OAS3: variants seen among roughly 807,000 people sequenced by gnomAD.
OAS3 encodes the protein 2'-5'-oligoadenylate synthase 3.
A neutral mutation model predicts 113.0 loss-of-function variants in OAS3; 107 were observed. The observed-to-expected ratio is 0.95, with a 90% confidence interval of 0.81 to 1.11. The LOEUF (loss-of-function observed/expected upper bound fraction) is 1.11, where lower values mean the gene tolerates loss of function less well. OAS3 is among the 50% of genes most tolerant of loss of function. The pLI, the probability that OAS3 is intolerant of heterozygous loss-of-function variation, is 0.00. For missense variants in OAS3, 1,258 were observed against 1,389.1 expected (o/e 0.91, Z 1.50); for synonymous variants, 552 against 573.6 (o/e 0.96, Z 0.54).
intron 7 of OAS3, among the ~76,000 whole-genome samples, chr12:112,952,261 TTAAG>T (rs1185222730): frequency 1.3e-5 from 2 of 152,242 alleles, no homozygotes; most frequent in Non-Finnish European, 2.9e-5. Flanking sequence ...TCTTTTATTA[TTAAG>T]TAATAATCTT....
At chr12:112,941,503 G>C in intron 1 of OAS3, 67 bp from the exon 2 acceptor site, 1 of 1,544,078 alleles carries the variant, frequency 6.5e-7, no homozygotes, top group South Asian at 1.2e-5. Flanking sequence ...CACTCAAGTT[G>C]CCTGCCAGGT....
At chr12:112,960,591 C>T (rs1279308412) in intron 7 of OAS3, among the ~76,000 whole-genome samples, 3 of 152,126 alleles carry the variant, frequency 2.0e-5, no homozygotes, top group Non-Finnish European at 4.4e-5. Flanking sequence ...AAGCACTTCA[C>T]ATGTAGATTT....
At chr12:112,960,458 T>C (rs2043871998) in intron 7 of OAS3, among the ~76,000 whole-genome samples, 1 of 152,104 alleles carries the variant, frequency 6.6e-6, no homozygotes, top group Non-Finnish European at 1.5e-5. Context: ...CTTATGAAAG[T>C]GAAGGACAAG....
At chr12:112,940,203 C>T (rs1057018849) in intron 1 of OAS3, among the ~76,000 whole-genome samples, 3 of 152,122 alleles carry the variant, frequency 2.0e-5, no homozygotes, top group Admixed American at 6.5e-5. Context: ...GTGTGCAAAA[C>T]GTGCAGGAAG....
intron 2 of OAS3, among the ~76,000 whole-genome samples, chr12:112,943,665 G>A (rs566787332): frequency 2.2e-4 from 34 of 152,208 alleles, no homozygotes; most frequent in African/African-American, 7.7e-4. Context: ...GGGTTGTGGT[G>A]GGGATACATG....
Position 112,965,700 on chromosome 12 carries a change from A to G in OAS3, c.2404-44A>G, listed in dbSNP as rs2043926325. ...ACTCACAGTCCAGAACCGACAGGCT[A>G]AGCCATGCTTCAAGGGTTGAGCCAC... is the stretch of plus-strand genomic sequence containing the variant. On this transcript the variant is annotated intron_variant, in intron 11 of 15. Transcript: ENST00000228928. The G allele has an allele frequency of 5.1e-6, 8 of 1,566,020 alleles. No individual in the cohort carries two copies. In the East Asian group the frequency reaches 1.8e-4, roughly 36 times the overall value.
Position 112,969,999 on chromosome 12 carries a change from G to A in OAS3, c.*26G>A. On this transcript the variant is annotated 3_prime_UTR_variant, in exon 16 of 16. Coordinates refer to ENST00000228928, the MANE Select transcript of OAS3 (RefSeq NM_006187.4). ...AGTTGAGAAAATCAGCGGTCCTACT[G>A]GATGAAGAGAAGATGGACACCAGCC... is the stretch of plus-strand genomic sequence containing the variant. 1 of 1,604,830 alleles carries A rather than the reference G, an allele frequency of 6.2e-7. No homozygotes were observed. Among genetic ancestry groups the A allele is most frequent in the South Asian group, 1.1e-5 (1 of 88,946 alleles).
rs372955267 is a variant in OAS3 at position 112,972,914 on chromosome 12, T to G, written c.*2941T>G. 2.0e-5 allele frequency: 2 copies of G among 99,920 alleles called. No homozygotes were observed. Among genetic ancestry groups the G allele is most frequent in the East Asian group, 4.6e-4 (2 of 4,346 alleles). The allele number at this position is 99,920 out of a possible 1,614,324, so 6.2% of individuals were successfully genotyped here. A position where few individuals can be genotyped will look rare whatever the true frequency, so the allele number is the denominator to read the frequency against. Reference sequence around the variant, plus strand: ...TGTGTGTGTGTGTGTGTGTGTGTGTTTAATTTTTAAAAAGTTTTTATTGAG... The same window carrying G: ...TGTGTGTGTGTGTGTGTGTGTGTGTGTAATTTTTAAAAAGTTTTTATTGAG... On this transcript the variant is annotated 3_prime_UTR_variant, in exon 16 of 16. Coordinates refer to ENST00000228928, the MANE Select transcript of OAS3 (RefSeq NM_006187.4).
Position 112,941,555 on chromosome 12 carries a change from T to C in OAS3, c.178-15T>C. On this transcript the variant is annotated splice_polypyrimidine_tract_variant and intron_variant, in intron 1 of 15. Coordinates refer to ENST00000228928, the MANE Select transcript of OAS3 (RefSeq NM_006187.4). Reference sequence around the variant, plus strand: ...TTGGACAGTATGAAATTCTGAGTTATTTTTCTTTGCCCAGGGAGGCTCCTC... The same window carrying C: ...TTGGACAGTATGAAATTCTGAGTTACTTTTCTTTGCCCAGGGAGGCTCCTC... 5.0e-6 allele frequency: 8 copies of C among 1,606,528 alleles called. No homozygotes were observed. The highest frequency in any genetic ancestry group is 1.3e-5 in the African/African-American group (1 of 74,742).
rs1206631858 is a variant in OAS3 at position 112,971,791 on chromosome 12, G to A, written c.*1818G>A. On this transcript the variant is annotated 3_prime_UTR_variant, in exon 16 of 16. Transcript: ENST00000228928. ...TGCCGTCTTTGGCTCAGCCTACAGA[G>A]ACTAGAGTAGGTGAAGGGACAGAGG... The A allele has an allele frequency of 2.3e-4, 35 of 152,246 alleles. No individual in the cohort carries two copies. The highest frequency in any genetic ancestry group is 2.3e-3 in the Admixed American group (35 of 15,292). The allele number at this position is 152,246 out of a possible 1,614,324, so 9.4% of individuals were successfully genotyped here. A position where few individuals can be genotyped will look rare whatever the true frequency, so the allele number is the denominator to read the frequency against.
intron 1 of OAS3, 31 bp downstream of exon 1, chr12:112,938,738 C>CCACAGGG: frequency 6.9e-7 from 1 of 1,457,428 alleles, no homozygotes; most frequent in Non-Finnish European, 9.1e-7. Context: ...CTTTATGTGT[C>CCACAGGG]CAAAGGGGAG....
At chr12:112,960,936 G>C in intron 7 of OAS3, 135 bp from the exon 8 acceptor site, 1 of 828,316 alleles carries the variant, frequency 1.2e-6, no homozygotes, top group Admixed American at 2.3e-5. Flanking sequence ...GTTATTCAAT[G>C]TTATAGTGTA....
chr12:112,939,058 C>G (rs1156433367), intron 1 of OAS3, among the ~76,000 whole-genome samples: 2 of 152,154 alleles, frequency 1.3e-5, no homozygotes, highest in African/African-American at 4.8e-5. Context: ...CACTCATTCT[C>G]CCAGTCATTC....
intron 3 of OAS3, among the ~76,000 whole-genome samples, chr12:112,946,282 A>C (rs2043727886): frequency 1.3e-5 from 2 of 152,114 alleles, no homozygotes; most frequent in South Asian, 4.1e-4. Context: ...GTGCACAAAT[A>C]GAAATCATGC....
Position 112,938,632 on chromosome 12 carries a change from C to A in OAS3, c.102C>A (p.Gly34=), listed in dbSNP as rs536341204. 19 of 1,606,478 alleles carry A rather than the reference C, an allele frequency of 1.2e-5. No homozygotes were observed. The highest frequency in any genetic ancestry group is 6.7e-5 in the Admixed American group (4 of 59,356). ...EFVEKARRAL[G]ALAAALRERG... ...TAGAGAAGGCGCGGCGCGCTCTGGG[C>A]GCCCTGGCCGCTGCCCTGAGGGAGC... The change falls in exon 1 of 16, where the codon GGC becomes GGA. Residue 34 remains glycine, a synonymous_variant. Coordinates refer to ENST00000228928, the MANE Select transcript of OAS3 (RefSeq NM_006187.4).
At position 112,967,566 on chromosome 12, in the gene OAS3, C is replaced by T. The variant is rs1031858246; in HGVS notation, c.2838C>T (p.Ile946=). 1.2e-6 allele frequency: 2 copies of T among 1,613,686 alleles called. No homozygotes were observed. Among genetic ancestry groups the T allele is most frequent in the Non-Finnish European group, 1.7e-6 (2 of 1,179,834 alleles). Residue 946 remains isoleucine (I), a synonymous_variant, in exon 13 of 16, where the codon ATC becomes ATT. Transcript: ENST00000228928. ...ISRPTKLKSL[I]RLVKHWYQQC... is the part of the protein sequence containing the mutation. Reference sequence around the variant, plus strand: ...GCCCTACCAAGCTGAAGAGCCTGATCCGGCTGGTGAAGCACTGGTACCAGC... The same window carrying T: ...GCCCTACCAAGCTGAAGAGCCTGATTCGGCTGGTGAAGCACTGGTACCAGC...
chr12:112,972,570 G>A lies in OAS3; in HGVS notation c.*2597G>A, dbSNP rs1159832555. 1 of 152,164 alleles carries A rather than the reference G, an allele frequency of 6.6e-6. No homozygotes were observed. Among genetic ancestry groups the A allele is most frequent in the Non-Finnish European group, 1.5e-5 (1 of 68,044 alleles). The allele number at this position is 152,164 out of a possible 1,614,324, so 9.4% of individuals were successfully genotyped here. On this transcript the variant is annotated 3_prime_UTR_variant, in exon 16 of 16. Transcript: ENST00000228928. ...ACACGCAATAGCTAGGAAAACACAGGGAAAGAAGAGTTCTGAGCAGGGCCT... is the reference window on the plus strand; with the variant it reads ...ACACGCAATAGCTAGGAAAACACAGAGAAAGAAGAGTTCTGAGCAGGGCCT...
In OAS3 at chr12:112,950,989, G is replaced by A. The variant is rs1183878575; in HGVS notation, c.1657+14G>A. ...TCGATGCTGTGGGTGAGGGCGCCCAGCCTGTCCCTTGGAGAGTGATAGGGA... is the reference window on the plus strand; with the variant it reads ...TCGATGCTGTGGGTGAGGGCGCCCAACCTGTCCCTTGGAGAGTGATAGGGA... On this transcript the variant is annotated intron_variant, in intron 7 of 15. Coordinates refer to ENST00000228928, the MANE Select transcript of OAS3 (RefSeq NM_006187.4). 6.2e-7 allele frequency: 1 copy of A among 1,609,592 alleles called. No homozygotes were observed. The highest frequency in any genetic ancestry group is 1.3e-5 in the African/African-American group (1 of 74,862).
In OAS3 at chr12:112,969,676, C is replaced by T; in HGVS notation, c.3173C>T (p.Ala1058Val). Residue 1058 changes from alanine to valine, a missense_variant, in exon 15 of 16, where the codon GCC becomes GTC. Coordinates refer to ENST00000228928, the MANE Select transcript of OAS3 (RefSeq NM_006187.4). Reference protein sequence around the residue: ...LGHNARWDLLAKEAAACTSAL... With the variant: ...LGHNARWDLLVKEAAACTSAL... ...CACAATGCCCGCTGGGACCTGCTGG[C>T]CAAGGAAGCTGCAGCCTGCACATCT... 1.2e-6 allele frequency: 2 copies of T among 1,611,544 alleles called. No individual in the cohort carries two copies. The highest frequency in any genetic ancestry group is 1.7e-6 in the Non-Finnish European group (2 of 1,178,942).
Sources: gnomAD v4.1 joint callset for allele counts (sites outside exome capture counted in the v4.1 genomes callset) on GRCh38, gnomAD v4.1.1 for gene constraint, MANE v1.5 for transcripts, NCBI Gene and HGNC (gene_info 2026-07-23, HGNC 2026-07-21) for gene names.